Variants in SH2D3C observed in about 807,000 individuals in gnomAD.
SH2D3C encodes SH2 domain-containing protein 3C.
A neutral mutation model predicts 75.2 loss-of-function variants in SH2D3C; 25 were observed. The ratio of observed to expected loss-of-function variants is 0.33; its 90% confidence interval spans 0.24 to 0.46. SH2D3C has a LOEUF of 0.46. Among genes scored for constraint, SH2D3C ranks in the 20% least tolerant of loss-of-function variants. The pLI, the probability that SH2D3C is intolerant of heterozygous loss-of-function variation, is 1.00. For missense variants in SH2D3C, 933 were observed against 1,165.3 expected, an observed-to-expected ratio of 0.80 and a Z score of 2.90; for synonymous variants, 450 against 473.7, an observed-to-expected ratio of 0.95 and a Z score of 0.65.
At position 127,740,243 on chromosome 9, in the gene SH2D3C, G is replaced by T; in HGVS notation, c.2200+15C>A. On this transcript the variant is annotated intron_variant, in intron 10 of 11. Transcript: ENST00000314830. Reference sequence around the variant, plus strand: ...AGGGCTGCAGCCTGTCCAAGGTCACGCAACAAGGAAGTACCTTTGCCCTCG... The same window carrying T: ...AGGGCTGCAGCCTGTCCAAGGTCACTCAACAAGGAAGTACCTTTGCCCTCG... 2 of 1,603,820 alleles carry T rather than the reference G, an allele frequency of 1.2e-6. No individual in the cohort carries two copies. The highest frequency in any genetic ancestry group is 1.7e-6 in the Non-Finnish European group (2 of 1,170,774).
At chr9:127,760,882 G>A (rs1051835120) in intron 3 of SH2D3C, among the ~76,000 whole-genome samples, 11 of 149,998 alleles carry the variant, frequency 7.3e-5, no homozygotes, top group Non-Finnish European at 1.0e-4. Flanking sequence ...CTTTTTTCCC[G>A]GGCTGGAGTG....
intron 3 of SH2D3C, among the ~76,000 whole-genome samples, chr9:127,756,431 G>C (rs982135803): frequency 5.3e-5 from 8 of 152,184 alleles, no homozygotes; most frequent in Non-Finnish European, 1.2e-4. Context: ...CTGTGTGACC[G>C]CAGGTGGGTG....
At chr9:127,740,877 T>G (rs185006163) in intron 9 of SH2D3C, among the ~76,000 whole-genome samples, 118 of 152,256 alleles carry the variant, frequency 7.8e-4, no homozygotes, top group African/African-American at 2.3e-3. Context: ...GAGACGGGGT[T>G]TCACCATGTT....
intron 2 of SH2D3C, chr9:127,767,089 C>G: frequency 6.5e-7 from 1 of 1,536,186 alleles, no homozygotes; most frequent in Non-Finnish European, 8.7e-7. Flanking sequence ...CACCATTGTG[C>G]CCAGCACATT....
chr9:127,769,129 T>C (rs1444261958), intron 2 of SH2D3C, among the ~76,000 whole-genome samples: 1 of 152,194 alleles, frequency 6.6e-6, no homozygotes, highest in Non-Finnish European at 1.5e-5. Flanking sequence ...GGGGACTCCA[T>C]GAGGGCAGGG....
intron 2 of SH2D3C, among the ~76,000 whole-genome samples, chr9:127,769,502 C>A (rs7037926): frequency 0.12 from 17,846 of 151,340 alleles, 2,644 homozygotes; most frequent in African/African-American, 0.35. Flanking sequence ...CACACACACA[C>A]AAAATTAGCC....
At position 127,738,940 on chromosome 9, in the gene SH2D3C, G is replaced by A; in HGVS notation, c.2408-19C>T. ...TGGAACCCTGCAGTGTTGGGGCATAGGGTCAGGGCAGAGGCTGGGGTTCCT... is the reference window on the plus strand; with the variant it reads ...TGGAACCCTGCAGTGTTGGGGCATAAGGTCAGGGCAGAGGCTGGGGTTCCT... On this transcript the variant is annotated intron_variant, in intron 11 of 11. Coordinates refer to ENST00000314830, the MANE Select transcript of SH2D3C (RefSeq NM_170600.3). The surrounding 1 kb of genome is among the most constrained non-coding windows in gnomAD (Gnocchi z 5.0). 8 of 1,538,032 alleles carry A rather than the reference G, an allele frequency of 5.2e-6. No homozygotes were observed. The South Asian group carries it at 8.5e-5, about 16-fold the overall frequency.
At chr9:127,766,192 T>C (rs926885213) in intron 2 of SH2D3C, among the ~76,000 whole-genome samples, 1 of 152,190 alleles carries the variant, frequency 6.6e-6, no homozygotes, top group Non-Finnish European at 1.5e-5. Context: ...TCTTTCATGA[T>C]AGTGACCTGG....
In SH2D3C at chr9:127,749,239, C is replaced by G; in HGVS notation, c.1111G>C (p.Val371Leu). The G allele has an allele frequency of 6.4e-7, 1 of 1,572,770 alleles. No homozygotes were observed. ...TMTDGLTADK[V>L]TRSDGCPTST... Reference sequence around the variant, plus strand: ...GTGGGGCAGCCATCGCTGCGGGTGACCTTGTCAGCAGTGAGCCCATCGGTC... The same window carrying G: ...GTGGGGCAGCCATCGCTGCGGGTGAGCTTGTCAGCAGTGAGCCCATCGGTC... Residue 371 changes from valine to leucine, a missense_variant, in exon 5 of 12, where the codon GTC becomes CTC. Coordinates refer to ENST00000314830, the MANE Select transcript of SH2D3C (RefSeq NM_170600.3). The surrounding 1 kb of genome is among the most constrained non-coding windows in gnomAD (Gnocchi z 5.9).
chr9:127,749,384 G>A lies in SH2D3C; in HGVS notation c.966C>T (p.Thr322=), dbSNP rs774529103. ...GAIIYCPVNR[T]FPLRYLEASY... is the part of the protein sequence containing the mutation. The stretch of plus-strand genomic sequence containing the variant: ...TGGCCTCGAGGTAGCGCAGTGGGAA[G>A]GTGCGGTTCACCGGGCAGTAGATGA... Residue 322 remains threonine (T), a synonymous_variant, in exon 5 of 12, where the codon ACC becomes ACT. Coordinates refer to ENST00000314830, the MANE Select transcript of SH2D3C (RefSeq NM_170600.3). This position sits in a 1 kb window ranked among gnomAD's most constrained non-coding sequence, Gnocchi z 5.9. The A allele has an allele frequency of 1.2e-6, 2 of 1,614,038 alleles. No individual in the cohort carries two copies. The highest frequency in any genetic ancestry group is 2.2e-5 in the East Asian group (1 of 44,884).
At chr9:127,771,121 A>C in intron 2 of SH2D3C, 3 of 1,295,806 alleles carry the variant, frequency 2.3e-6, no homozygotes, top group Non-Finnish European at 3.1e-6. Context: ...CCAGGGGTGC[A>C]GATTTCCTCC....
intron 5 of SH2D3C, among the ~76,000 whole-genome samples, chr9:127,747,854 T>C (rs1845080267): frequency 1.3e-5 from 2 of 152,156 alleles, no homozygotes; most frequent in Non-Finnish European, 2.9e-5. Flanking sequence ...GCCCGGTTCC[T>C]AGTCGGTATC....
intron 2 of SH2D3C, among the ~76,000 whole-genome samples, chr9:127,770,515 T>G (rs1345627876): frequency 6.6e-6 from 1 of 152,170 alleles, no homozygotes; most frequent in African/African-American, 2.4e-5. Context: ...GCTGCTCCCC[T>G]GACTCCAGGG....
At chr9:127,740,140 G>C in intron 10 of SH2D3C, 118 bp downstream of exon 10, 1 of 880,576 alleles carries the variant, frequency 1.1e-6, no homozygotes, top group Non-Finnish European at 1.8e-6. Flanking sequence ...GGAACAGTGA[G>C]CTCAGGGAAA....
intron 7 of SH2D3C, among the ~76,000 whole-genome samples, chr9:127,743,880 G>C (rs955464517): frequency 1.3e-5 from 2 of 151,934 alleles, no homozygotes; most frequent in African/African-American, 4.8e-5. Context: ...TTGTCCAGTG[G>C]CGGGGGGGCG....
chr9:127,738,650 G>T lies in SH2D3C; in HGVS notation c.*96C>A. On this transcript the variant is annotated 3_prime_UTR_variant, in exon 12 of 12. Coordinates refer to ENST00000314830, the MANE Select transcript of SH2D3C (RefSeq NM_170600.3). The surrounding 1 kb of genome is among the most constrained non-coding windows in gnomAD (Gnocchi z 5.0). ...TTGAGTTGAACCCAGAACATTCTCG[G>T]GTTGATCACAGTGTCCTTGGGGTGC... 7.6e-7 allele frequency: 1 copy of T among 1,311,324 alleles called. No individual in the cohort carries two copies. Among genetic ancestry groups the T allele is most frequent in the Non-Finnish European group, 1.0e-6 (1 of 977,670 alleles). 81.2% of individuals were successfully genotyped at this position (1,311,324 alleles called of 1,614,324 possible). A position where few individuals can be genotyped will look rare whatever the true frequency, so the allele number is the denominator to read the frequency against.
At position 127,747,335 on chromosome 9, in the gene SH2D3C, G is replaced by C. The variant is rs536552922; in HGVS notation, c.1140-64C>G. 218 of 1,522,442 alleles carry C rather than the reference G, an allele frequency of 1.4e-4. No individual in the cohort carries two copies. In the African/African-American group the frequency reaches 2.8e-3, roughly 19 times the overall value. The allele number at this position is 1,522,442 out of a possible 1,614,324, so 94.3% of individuals were successfully genotyped here. On this transcript the variant is annotated intron_variant, in intron 5 of 11. Transcript: ENST00000314830. The stretch of plus-strand genomic sequence containing the variant: ...GTCAGGGGCCTCAGCCTGCCTCTGG[G>C]ACCCCCCACCTCTGCACCTTGAACT...
chr9:127,762,562 C>A, intron 2 of SH2D3C: 1 of 388,402 alleles, frequency 2.6e-6, no homozygotes, highest in South Asian at 1.9e-5. Flanking sequence ...GCCCCGTCTT[C>A]CATTCAGCTC....
chr9:127,754,824 G>A lies in SH2D3C; in HGVS notation c.556-3524C>T, dbSNP rs1313002725. On this transcript the variant is annotated intron_variant, in intron 3 of 11. Transcript: ENST00000314830. This position sits in a 1 kb window ranked among gnomAD's most constrained non-coding sequence, Gnocchi z 4.4. ...CAGCTCTCTCCCTCCTGCGGAGGAG[G>A]CAGAAACGGACCGGCATCTACCGCA... 6.1e-6 allele frequency: 3 copies of A among 488,434 alleles called. No homozygotes were observed. Among genetic ancestry groups the A allele is most frequent in the Non-Finnish European group, 1.3e-5 (3 of 238,866 alleles). The allele number at this position is 488,434 out of a possible 1,614,324, so 30.3% of individuals were successfully genotyped here.
Sources: allele counts gnomAD v4.1 joint callset (sites outside exome capture counted in the v4.1 genomes callset), GRCh38; gene constraint gnomAD v4.1.1; non-coding constraint Gnocchi (gnomAD v3.1); transcripts MANE v1.5; gene names NCBI Gene and HGNC (gene_info 2026-07-23, HGNC 2026-07-21).